Variants in ATP8B1 observed in about 807,000 individuals in gnomAD.
The protein encoded by ATP8B1 is ATPase phospholipid transporting 8B1, also known as phospholipid-transporting ATPase IC.
A neutral mutation model predicts 149.9 loss-of-function variants in ATP8B1; 80 were observed. That is an observed-to-expected ratio of 0.53 (90% CI 0.45 to 0.64). ATP8B1 has a LOEUF of 0.64. Ranked by LOEUF, ATP8B1 falls within the 30% of genes least tolerant of loss-of-function variation. The pLI is 0.00. For synonymous variants in ATP8B1, 536 were observed against 562.8 expected, an observed-to-expected ratio of 0.95 and a Z score of 0.67; for missense variants, 1,247 against 1,552.6, an observed-to-expected ratio of 0.80 and a Z score of 3.31.
chr18:57,795,757 T>C (rs183926704), intron 1 of ATP8B1, among the ~76,000 whole-genome samples: 1 of 152,036 alleles, frequency 6.6e-6, no homozygotes, highest in African/African-American at 2.4e-5. Flanking sequence ...TTTGAGATGA[T>C]AAAAAGTTCT....
At chr18:57,700,892 G>C (rs1173334793) in intron 6 of ATP8B1, 147 bp downstream of exon 6, 1 of 895,266 alleles carries the variant, frequency 1.1e-6, no homozygotes, top group African/African-American at 1.7e-5. Flanking sequence ...ACTCCAGCCT[G>C]GGCGACAGAG....
At chr18:57,677,816 C>T (rs1911692088) in intron 15 of ATP8B1, among the ~76,000 whole-genome samples, 1 of 152,050 alleles carries the variant, frequency 6.6e-6, no homozygotes, top group African/African-American at 2.4e-5. Flanking sequence ...TAAGTTGGCA[C>T]AGCGATATAT....
At chr18:57,721,700 TC>T (rs2079648253) in intron 2 of ATP8B1, among the ~76,000 whole-genome samples, 1 of 113,470 alleles carries the variant, frequency 8.8e-6, no homozygotes, top group South Asian at 3.5e-4. Flanking sequence ...AGACAGAAAG[TC>T]AACAAGGATA....
intron 9 of ATP8B1, 48 bp from the exon 10 acceptor site, chr18:57,695,377 TC>T: frequency 1.3e-6 from 2 of 1,591,844 alleles, no homozygotes; most frequent in South Asian, 2.2e-5. Context: ...CAAAAGTCTT[TC>T]TGGTTTTAAT....
chr18:57,657,600 GAACA>G (rs1444081585), intron 22 of ATP8B1, among the ~76,000 whole-genome samples: 2 of 152,174 alleles, frequency 1.3e-5, no homozygotes, highest in Non-Finnish European at 2.9e-5. Context: ...TAAAAAAACA[GAACA>G]AACTGCATCT....
chr18:57,792,798 T>C (rs1377983285), intron 1 of ATP8B1, among the ~76,000 whole-genome samples: 2 of 152,006 alleles, frequency 1.3e-5, no homozygotes, highest in Admixed American at 6.5e-5. Context: ...TCCATGTGTA[T>C]GGAGATGGGG....
intron 12 of ATP8B1, among the ~76,000 whole-genome samples, chr18:57,690,340 C>A (rs1358255173): frequency 6.6e-6 from 1 of 152,160 alleles, no homozygotes; most frequent in African/African-American, 2.4e-5. Flanking sequence ...AGCACCAGAT[C>A]ACACTTGGGG....
intron 15 of ATP8B1, among the ~76,000 whole-genome samples, chr18:57,681,956 C>A (rs1912000351): frequency 6.6e-6 from 1 of 152,010 alleles, no homozygotes; most frequent in Non-Finnish European, 1.5e-5. Flanking sequence ...TTGACCTCAG[C>A]TGACAGTGGA....
intron 3 of ATP8B1, among the ~76,000 whole-genome samples, chr18:57,705,285 G>T (rs1306541045): frequency 6.6e-6 from 1 of 152,096 alleles, no homozygotes; most frequent in Non-Finnish European, 1.5e-5. Context: ...ACAACAACAT[G>T]GCCAAAGCCA....
At chr18:57,749,612 G>C (rs897836642) in intron 1 of ATP8B1, among the ~76,000 whole-genome samples, 2 of 152,200 alleles carry the variant, frequency 1.3e-5, no homozygotes, top group African/African-American at 4.8e-5. Flanking sequence ...AGAACTCTGA[G>C]TTGAGTCAGG....
At chr18:57,695,596 C>A in intron 8 of ATP8B1, 64 bp from the exon 9 acceptor site, 2 of 1,266,584 alleles carry the variant, frequency 1.6e-6, no homozygotes, top group Non-Finnish European at 2.3e-6. Context: ...GGAAGTTAAT[C>A]ATCCAAAGTT....
intron 1 of ATP8B1, chr18:57,740,603 T>TGTTGATTCAATG (rs1382688914): frequency 4.7e-5 from 7 of 149,698 alleles, no homozygotes; most frequent in African/African-American, 1.7e-4. Context: ...TGATTCAAGT[T>TGTTGATTCAATG]CTTGCTCTGT....
chr18:57,667,975 A>G (rs1161987052), intron 19 of ATP8B1: 9 of 981,346 alleles, frequency 9.2e-6, no homozygotes, highest in East Asian at 6.3e-5. Context: ...TGAGTTCTAA[A>G]GTTAAAAAAT....
chr18:57,661,908 C>T (rs1311238245), intron 21 of ATP8B1, among the ~76,000 whole-genome samples: 1 of 151,690 alleles, frequency 6.6e-6, no homozygotes, highest in Non-Finnish European at 1.5e-5. Context: ...TTAGTAGAGA[C>T]GGGGTTTCAC....
At chr18:57,668,351 A>G in intron 19 of ATP8B1, 78 bp downstream of exon 19, 1 of 1,395,920 alleles carries the variant, frequency 7.2e-7, no homozygotes, top group Non-Finnish European at 1.0e-6. Flanking sequence ...AAGTCTGAGG[A>G]GGTCATCTTG....
intron 1 of ATP8B1, among the ~76,000 whole-genome samples, chr18:57,765,859 C>A (rs888710623): frequency 6.6e-6 from 1 of 151,188 alleles, no homozygotes; most frequent in Non-Finnish European, 1.5e-5. Context: ...GTAATCTCAG[C>A]TACTCAGGAG....
chr18:57,719,924 G>T (rs1255887422), intron 2 of ATP8B1, among the ~76,000 whole-genome samples: 1 of 152,210 alleles, frequency 6.6e-6, no homozygotes, highest in Non-Finnish European at 1.5e-5. Flanking sequence ...GCCTCTTCAA[G>T]TGGGTCCCTG....
chr18:57,717,772 G>T (rs544636757), intron 2 of ATP8B1, among the ~76,000 whole-genome samples: 1 of 151,252 alleles, frequency 6.6e-6, no homozygotes, highest in South Asian at 2.1e-4. Context: ...GTCTCACTCT[G>T]TTGCCCAGGC....
chr18:57,700,902 G>T, intron 6 of ATP8B1, 137 bp downstream of exon 6: 1 of 964,582 alleles, frequency 1.0e-6, no homozygotes, highest in Non-Finnish European at 1.6e-6. Flanking sequence ...GGGCGACAGA[G>T]CGAGACTCTA....
Sources: allele counts gnomAD v4.1 joint callset (sites outside exome capture counted in the v4.1 genomes callset), GRCh38; gene constraint gnomAD v4.1.1; transcripts MANE v1.5; gene names NCBI Gene and HGNC (gene_info 2026-07-23, HGNC 2026-07-21).